SLC25A36: variants seen among roughly 807,000 people sequenced by gnomAD.
SLC25A36 encodes epididymis secretory sperm binding protein.
Under a neutral mutation model 35.3 loss-of-function variants are expected in SLC25A36, and 24 were observed. The observed-to-expected ratio is 0.68, with a 90% CI of 0.49 to 0.96. The LOEUF (loss-of-function observed/expected upper bound fraction) is 0.96, where lower values mean the gene tolerates loss of function less well. Ranked by LOEUF, SLC25A36 falls within the 40% of genes least tolerant of loss-of-function variation. The pLI is 0.00. For missense variants in SLC25A36, 294 were observed against 381.1 expected, an observed-to-expected ratio of 0.77 and a Z score of 1.90; for synonymous variants, 141 against 132.2, an observed-to-expected ratio of 1.07 and a Z score of -0.46.
chr3:140,968,252 A>G (rs1934812513), intron 4 of SLC25A36: 8 of 935,788 alleles, frequency 8.5e-6, no homozygotes, highest in Non-Finnish European at 1.0e-5. Flanking sequence ...AAACTCAAGG[A>G]CCTGAGTTTT....
rs560140691 is a variant in SLC25A36, at chr3:140,950,393, C to G, written c.42-6134C>G. On this transcript the variant is annotated intron_variant, in intron 1 of 6. Coordinates refer to ENST00000324194, the MANE Select transcript of SLC25A36 (RefSeq NM_001104647.3). ...AGTCTTTTTTCCTGGAGACTTTTGT[C>G]CCACTGAATTCTGTCATCCTAATCC... 3.3e-5 allele frequency among the ~76,000 whole-genome samples: 5 copies of G among 152,024 alleles called. No individual in the cohort carries two copies. In the South Asian group the frequency reaches 6.2e-4, roughly 19 times the overall value.
intron 1 of SLC25A36, among the ~76,000 whole-genome samples, chr3:140,949,333 G>A (rs983958757): frequency 2.5e-4 from 38 of 152,222 alleles, no homozygotes; most frequent in African/African-American, 9.1e-4. Flanking sequence ...CTAGAGATGT[G>A]TCCACATTCC....
At chr3:140,954,410 A>C (rs72991040) in intron 1 of SLC25A36, among the ~76,000 whole-genome samples, 4,005 of 152,314 alleles carry the variant, frequency 0.026, 171 homozygotes, top group African/African-American at 0.092. Context: ...CAGTACCTAC[A>C]AGTGAGATAG....
chr3:140,948,987 G>A (rs1048723429), intron 1 of SLC25A36, among the ~76,000 whole-genome samples: 11 of 151,988 alleles, frequency 7.2e-5, no homozygotes, highest in East Asian at 3.8e-4. Context: ...TTTGATTCCC[G>A]TGCTTCAATA....
chr3:140,959,557 A>G lies in SLC25A36; in HGVS notation c.284+17A>G. 7.8e-7 allele frequency: 1 copy of G among 1,274,690 alleles called. No homozygotes were observed. Among genetic ancestry groups the G allele is most frequent in the Non-Finnish European group, 1.0e-6 (1 of 957,602 alleles). The allele number at this position is 1,274,690 out of a possible 1,614,324, so 79.0% of individuals were successfully genotyped here. A position where few individuals can be genotyped will look rare whatever the true frequency, so the allele number is the denominator to read the frequency against. ...CCCTTCCAGGTAAAAAAAAAAAAAAATTGTTTAAAGCAAGTTATGGCAATC... is the reference window on the plus strand; with the variant it reads ...CCCTTCCAGGTAAAAAAAAAAAAAAGTTGTTTAAAGCAAGTTATGGCAATC... On this transcript the variant is annotated intron_variant, in intron 3 of 6. Coordinates refer to ENST00000324194, the MANE Select transcript of SLC25A36 (RefSeq NM_001104647.3).
Position 140,941,841 on chromosome 3 carries a change from C to G in SLC25A36, c.-214C>G. 1.9e-6 allele frequency: 1 copy of G among 515,104 alleles called. No homozygotes were observed. The highest frequency in any genetic ancestry group is 3.8e-5 in the Admixed American group (1 of 26,020). The allele number at this position is 515,104 out of a possible 1,614,324, so 31.9% of individuals were successfully genotyped here. ...CGCTGCGCTGCGTCGCTTTCAGCCTCTGGTGAAGGGCGGCGCGCTTAGGCA... is the reference window on the plus strand; with the variant it reads ...CGCTGCGCTGCGTCGCTTTCAGCCTGTGGTGAAGGGCGGCGCGCTTAGGCA... On this transcript the variant is annotated 5_prime_UTR_variant, in exon 1 of 7. Coordinates refer to ENST00000324194, the MANE Select transcript of SLC25A36 (RefSeq NM_001104647.3).
At chr3:140,948,860 T>C (rs977094980) in intron 1 of SLC25A36, among the ~76,000 whole-genome samples, 3 of 152,202 alleles carry the variant, frequency 2.0e-5, no homozygotes, top group African/African-American at 7.2e-5. Context: ...TTTATGTCTA[T>C]GTACCTGTCT....
chr3:140,943,680 C>G (rs7615684), intron 1 of SLC25A36, among the ~76,000 whole-genome samples: 4,724 of 151,596 alleles, frequency 0.031, 233 homozygotes, highest in African/African-American at 0.11. Flanking sequence ...ATTGCTTCAT[C>G]TATAAAATTA....
Position 140,976,259 on chromosome 3 carries a change from G to A in SLC25A36, c.743-1G>A. On this transcript the variant is annotated splice_acceptor_variant, in intron 6 of 6. Coordinates refer to ENST00000324194, the MANE Select transcript of SLC25A36 (RefSeq NM_001104647.3). LOFTEE classifies it high-confidence loss of function. ...TTTAATTTTATTTCTTTCCTACACAGAAGTTGTAAGAACAAGACTACGTGA... is the reference window on the plus strand; with the variant it reads ...TTTAATTTTATTTCTTTCCTACACAAAAGTTGTAAGAACAAGACTACGTGA... The A allele has an allele frequency of 6.3e-7, 1 of 1,580,738 alleles. No individual in the cohort carries two copies. The highest frequency in any genetic ancestry group is 8.6e-7 in the Non-Finnish European group (1 of 1,159,052).
At chr3:140,967,773 A>T (rs543873841) in intron 4 of SLC25A36, among the ~76,000 whole-genome samples, 2 of 151,954 alleles carry the variant, frequency 1.3e-5, no homozygotes, top group African/African-American at 2.4e-5. Flanking sequence ...TAAGCTTTCT[A>T]ACATACTAAC....
intron 4 of SLC25A36, chr3:140,964,018 T>G (rs1362055677): frequency 6.6e-6 from 1 of 151,974 alleles, no homozygotes; most frequent in African/African-American, 2.4e-5. Context: ...TATCTGAGAT[T>G]TATTGTATAT....
Position 140,959,503 on chromosome 3 carries a change from G to C in SLC25A36, c.247G>C (p.Gly83Arg). The C allele has an allele frequency of 6.6e-7, 1 of 1,508,260 alleles. No homozygotes were observed. Among genetic ancestry groups the C allele is most frequent in the Admixed American group, 2.7e-5 (1 of 36,936 alleles). 93.4% of individuals were successfully genotyped at this position (1,508,260 alleles called of 1,614,324 possible). A position where few individuals can be genotyped will look rare whatever the true frequency, so the allele number is the denominator to read the frequency against. Reference protein sequence around the residue: ...EKEGPRSLFRGLGPNLVGVAP... With the variant: ...EKEGPRSLFRRLGPNLVGVAP... Reference sequence around the variant, plus strand: ...AGAAGGGCCTCGTTCCTTGTTTAGAGGACTAGGCCCCAATTTAGTGGGGGT... The same window carrying C: ...AGAAGGGCCTCGTTCCTTGTTTAGACGACTAGGCCCCAATTTAGTGGGGGT... The change falls in exon 3 of 7, where the codon GGA (glycine) becomes CGA (arginine). Residue 83 changes from glycine (G) to arginine (R), a missense_variant. Physicochemically the swap from Gly to Arg is moderately radical, Grantham distance 125. Transcript: ENST00000324194.
intron 1 of SLC25A36, among the ~76,000 whole-genome samples, chr3:140,953,553 A>C (rs957308518): frequency 6.6e-6 from 1 of 152,174 alleles, no homozygotes; most frequent in African/African-American, 2.4e-5. Context: ...CATATTTTTC[A>C]AATCAGATTT....
rs1006721023 is a variant in SLC25A36 at position 140,956,434 on chromosome 3, C to T, written c.42-93C>T. On this transcript the variant is annotated intron_variant, in intron 1 of 6. Coordinates refer to ENST00000324194, the MANE Select transcript of SLC25A36 (RefSeq NM_001104647.3). Reference sequence around the variant, plus strand: ...TATAAATTTTAGTATGTTGGCAAAGCTCCAGGTACCCATGTGGATTACAGC... The same window carrying T: ...TATAAATTTTAGTATGTTGGCAAAGTTCCAGGTACCCATGTGGATTACAGC... 12 of 1,298,902 alleles carry T rather than the reference C, an allele frequency of 9.2e-6. No homozygotes were observed. The South Asian group carries it at 2.4e-4, about 26-fold the overall frequency. The allele number at this position is 1,298,902 out of a possible 1,614,324, so 80.5% of individuals were successfully genotyped here. A position where few individuals can be genotyped will look rare whatever the true frequency, so the allele number is the denominator to read the frequency against.
intron 3 of SLC25A36, among the ~76,000 whole-genome samples, chr3:140,960,753 C>A (rs201291546): frequency 3.0e-4 from 46 of 152,078 alleles, no homozygotes; most frequent in Admixed American, 7.9e-4. Flanking sequence ...GTGCAAAGGA[C>A]CACATAGTAA....
At chr3:140,955,935 C>T (rs1934468074) in intron 1 of SLC25A36, among the ~76,000 whole-genome samples, 1 of 152,186 alleles carries the variant, frequency 6.6e-6, no homozygotes, top group African/African-American at 2.4e-5. Flanking sequence ...TCAAACCATC[C>T]TCTTGTCTCC....
At chr3:140,970,249 C>A (rs147820668) in intron 4 of SLC25A36, 2 of 151,944 alleles carry the variant, frequency 1.3e-5, no homozygotes, top group South Asian at 2.1e-4. Context: ...TATTCCATGT[C>A]TATAAAAGAG....
chr3:140,966,815 A>G (rs1176978113), intron 4 of SLC25A36: 1 of 389,440 alleles, frequency 2.6e-6, no homozygotes, highest in Non-Finnish European at 5.2e-6. Context: ...ATTTTCAAAA[A>G]AGTTAGATCT....
At chr3:140,962,874 C>CA in intron 3 of SLC25A36, among the ~76,000 whole-genome samples, 1 of 150,956 alleles carries the variant, frequency 6.6e-6, no homozygotes, top group Non-Finnish European at 1.5e-5. Flanking sequence ...AAGTGGCTGT[C>CA]AGAGTATTGG....
Sources: allele counts gnomAD v4.1 joint callset (sites outside exome capture counted in the v4.1 genomes callset), GRCh38; gene constraint gnomAD v4.1.1; transcripts MANE v1.5; gene names NCBI Gene and HGNC (gene_info 2026-07-23, HGNC 2026-07-21).